The following ZNF219 variants were observed in gnomAD, a reference collection of about 807,000 sequenced individuals.
The protein encoded by ZNF219 is zinc finger protein 219.
In ZNF219, 17 loss-of-function variants were observed where a neutral mutation model predicts 54.4. The observed-to-expected ratio is 0.31, with a 90% CI of 0.21 to 0.47. The LOEUF is 0.47. Among genes scored for constraint, ZNF219 ranks in the 20% least tolerant of loss-of-function variants. The probability of loss-of-function intolerance (pLI) is 1.00; values close to 1 mark genes in which losing one functional copy is unlikely to be tolerated. For synonymous variants in ZNF219, 518 were observed against 476.4 expected, an observed-to-expected ratio of 1.09 and a Z score of -1.14; for missense variants, 1,014 against 1,062.3, an observed-to-expected ratio of 0.95 and a Z score of 0.63.
chr14:21,091,371 C>T (rs1226739430), intron 4 of ZNF219, 40 bp downstream of exon 4: 7 of 1,573,814 alleles, frequency 4.4e-6, no homozygotes, highest in South Asian at 2.3e-5. Flanking sequence ...TTTCTGCCCG[C>T]CCCCAGTCCC....
intron 1 of ZNF219, 183 bp from the exon 2 acceptor site, chr14:21,093,857 C>G (rs978258200): frequency 1.7e-6 from 1 of 589,052 alleles, no homozygotes; most frequent in African/African-American, 1.9e-5. Flanking sequence ...GCCAAGCCTA[C>G]AAGCCTCCCA....
At position 21,092,530 on chromosome 14, in the gene ZNF219, G is replaced by A. The variant is rs1174760400; in HGVS notation, c.767C>T (p.Ala256Val). ...PEPEPEPERE[A>V]TPTPAPAAPE... ...AGCGGCAGGAGCTGGGGTCGGGGTT[G>A]CCTCACGTTCGGGCTCCGGCTCCGG... Residue 256 changes from alanine to valine, a missense_variant, in exon 3 of 5, where the codon GCA becomes GTA. Transcript: ENST00000360947. The A allele has an allele frequency of 6.5e-7, 1 of 1,549,598 alleles. No homozygotes were observed. Among genetic ancestry groups the A allele is most frequent in the Non-Finnish European group, 8.7e-7 (1 of 1,146,624 alleles).
Position 21,090,906 on chromosome 14 carries a change from C to T in ZNF219, c.1799G>A (p.Gly600Asp). The T allele has an allele frequency of 6.5e-7, 1 of 1,550,302 alleles. No individual in the cohort carries two copies. The highest frequency in any genetic ancestry group is 1.4e-5 in the African/African-American group (1 of 73,614). ...CTTCCGACGGGACCCCGGCCCAGCACCGCTAGAAGGAGGCCGGGGACTTGA... is the reference window on the plus strand; with the variant it reads ...CTTCCGACGGGACCCCGGCCCAGCATCGCTAGAAGGAGGCCGGGGACTTGA... The part of the protein sequence containing the change: ...GASSPRPPSS[G>D]AGPGSRRKPA... Residue 600 changes from glycine to aspartate, a missense_variant, in exon 5 of 5, where the codon GGT becomes GAT. By Grantham distance (94) the Gly-to-Asp change is moderately conservative. Around this residue, in one of 5 missense-constraint regions of ZNF219, gnomAD observed 281 missense variants for 271.2 expected, o/e 1.04. Coordinates refer to ENST00000360947, the MANE Select transcript of ZNF219 (RefSeq NM_016423.3). The surrounding 1 kb of genome is among the most constrained non-coding windows in gnomAD (Gnocchi z 4.4).
At chr14:21,096,565 C>T (rs1889286576) in intron 1 of ZNF219, among the ~76,000 whole-genome samples, 1 of 152,172 alleles carries the variant, frequency 6.6e-6, no homozygotes, top group African/African-American at 2.4e-5. Context: ...CCTTAAACAC[C>T]ATCCTCGAGA....
upstream of ZNF219, chr14:21,103,217 G>C (rs761781290): frequency 1.9e-6 from 3 of 1,551,504 alleles, no homozygotes; most frequent in African/African-American, 2.7e-5. Context: ...TGAGAGGGTG[G>C]GACAGCGGGA....
In ZNF219 at chr14:21,091,912, T is replaced by G. The variant is rs1361400178; in HGVS notation, c.1385A>C (p.His462Pro). The G allele has an allele frequency of 6.3e-7, 1 of 1,593,048 alleles. No individual in the cohort carries two copies. Among genetic ancestry groups the G allele is most frequent in the East Asian group, 2.3e-5 (1 of 44,392 alleles). Residue 462 changes from histidine to proline, a missense_variant, in exon 3 of 5, where the codon CAC becomes CCC. Physicochemically the swap from His to Pro is moderately conservative, Grantham distance 77. Around this residue, in one of 5 missense-constraint regions of ZNF219, gnomAD observed 272 missense variants for 248.9 expected, o/e 1.09. Transcript: ENST00000360947. ...CTGGGCCCCAGCAGCAGAGGCAGAG[T>G]GCCCCGGTCCCTCACCCGGGCGCGG... ...LHPRPGEGPGHSASAAGAQAR... is the reference protein window; with the variant it reads ...LHPRPGEGPGPSASAAGAQAR...
chr14:21,093,973 C>A, intron 1 of ZNF219: 1 of 385,058 alleles, frequency 2.6e-6, no homozygotes, highest in South Asian at 2.2e-5. Context: ...TCACAATATG[C>A]CCCTCTCCCA....
chr14:21,098,274 G>T (rs1249395160), intron 1 of ZNF219, 38 bp downstream of exon 1: 2 of 148,038 alleles, frequency 1.4e-5, no homozygotes, highest in African/African-American at 4.9e-5. Context: ...CCGGGTGGCG[G>T]ACGGGGGGGC....
chr14:21,099,867 G>C (rs1263276821), upstream of ZNF219, among the ~76,000 whole-genome samples: 1 of 152,152 alleles, frequency 6.6e-6, no homozygotes, highest in African/African-American at 2.4e-5. Context: ...GGGCCCAGCT[G>C]GTTCTGCTTC....
In ZNF219 at chr14:21,091,888, T is replaced by C. The variant is rs1484216742; in HGVS notation, c.1409A>G (p.Gln470Arg). 6.3e-7 allele frequency: 1 copy of C among 1,575,728 alleles called. No individual in the cohort carries two copies. Among genetic ancestry groups the C allele is most frequent in the Admixed American group, 1.8e-5 (1 of 54,486 alleles). ...PGHSASAAGA[Q>R]ARSTATQEEN... ...ACCCTGCGTGGCGGTCGATCTTGCC[T>C]GGGCCCCAGCAGCAGAGGCAGAGTG... The change falls in exon 3 of 5, where the codon CAG becomes CGG. Residue 470 changes from glutamine (Q) to arginine (R), a missense_variant. Physicochemically the swap from Gln to Arg is conservative, Grantham distance 43 (BLOSUM62 1). Around this residue, in one of 5 missense-constraint regions of ZNF219, gnomAD observed 272 missense variants for 248.9 expected, o/e 1.09. Transcript: ENST00000360947.
chr14:21,097,015 T>C (rs1889309171), intron 1 of ZNF219, among the ~76,000 whole-genome samples: 1 of 152,316 alleles, frequency 6.6e-6, no homozygotes, highest in South Asian at 2.1e-4. Flanking sequence ...CTAACAATTA[T>C]GATTACCACT....
chr14:21,102,468 G>A (rs553887169), upstream of ZNF219: 15 of 1,551,670 alleles, frequency 9.7e-6, no homozygotes, highest in Admixed American at 3.9e-5. Context: ...GGTGGTGGTC[G>A]AGGTGATGAA....
upstream of ZNF219, chr14:21,103,419 G>A: frequency 8.2e-7 from 1 of 1,214,938 alleles, no homozygotes; most frequent in Non-Finnish European, 1.1e-6. Flanking sequence ...ACCTGGACGA[G>A]AATATATCCT....
At position 21,093,840 on chromosome 14, in the gene ZNF219, T is replaced by C. The variant is rs114695976; in HGVS notation, c.-83-166A>G. 575 of 621,198 alleles carry C rather than the reference T, an allele frequency of 9.3e-4. 1 individual carries two copies. In the African/African-American group the frequency reaches 9.7e-3, roughly 10 times the overall value. 38.5% of individuals were successfully genotyped at this position (621,198 alleles called of 1,614,324 possible). A position where few individuals can be genotyped will look rare whatever the true frequency, so the allele number is the denominator to read the frequency against. ...CTGCTATACTCAAAAACTGTACCTCTTGACTTGCCAAGCCTACAAGCCTCC... is the reference window on the plus strand; with the variant it reads ...CTGCTATACTCAAAAACTGTACCTCCTGACTTGCCAAGCCTACAAGCCTCC... On this transcript the variant is annotated intron_variant, in intron 1 of 4. Transcript: ENST00000360947.
rs777573435 is a variant in ZNF219 at position 21,092,250 on chromosome 14, G to A, written c.1047C>T (p.Leu349=). Residue 349 remains leucine, a synonymous_variant, in exon 3 of 5, where the codon CTC becomes CTT. Coordinates refer to ENST00000360947, the MANE Select transcript of ZNF219 (RefSeq NM_016423.3). The part of the protein sequence containing the change: ...GPARAPQPPD[L]GLLAYEPLGP... ...CCAACGGCTCATAGGCCAGCAGGCC[G>A]AGGTCAGGAGGCTGGGGGGCGCGGG... 6.1e-5 allele frequency: 89 copies of A among 1,462,770 alleles called. No homozygotes were observed. The South Asian group carries it at 6.5e-4, about 11-fold the overall frequency. The allele number at this position is 1,462,770 out of a possible 1,614,324, so 90.6% of individuals were successfully genotyped here. A position where few individuals can be genotyped will look rare whatever the true frequency, so the allele number is the denominator to read the frequency against.
chr14:21,102,540 GGGA>G, upstream of ZNF219: 1 of 1,551,734 alleles, frequency 6.4e-7, no homozygotes, highest in Non-Finnish European at 8.7e-7. Flanking sequence ...AGGAGAAGGT[GGGA>G]GGATAAGGAG....
At chr14:21,100,420 C>G (rs895647437), upstream of ZNF219, among the ~76,000 whole-genome samples, 1 of 151,974 alleles carries the variant, frequency 6.6e-6, no homozygotes, top group African/African-American at 2.4e-5. Context: ...GATGGAGAAG[C>G]AGCAGAGCTA....
chr14:21,092,230 G>T lies in ZNF219; in HGVS notation c.1067C>A (p.Pro356Gln). The T allele has an allele frequency of 1.4e-6, 2 of 1,448,514 alleles. No homozygotes were observed. The highest frequency in any genetic ancestry group is 5.0e-5 in the East Asian group (2 of 39,814). The allele number at this position is 1,448,514 out of a possible 1,614,324, so 89.7% of individuals were successfully genotyped here. Residue 356 changes from proline (P) to glutamine (Q), a missense_variant, in exon 3 of 5, where the codon CCG becomes CAG. Transcript: ENST00000360947. Reference protein sequence around the residue: ...PPDLGLLAYEPLGPALLLAPA... With the variant: ...PPDLGLLAYEQLGPALLLAPA... ...GGCCAAGAGGAGCGCTGGGCCCAAC[G>T]GCTCATAGGCCAGCAGGCCGAGGTC... is the stretch of plus-strand genomic sequence containing the variant.
upstream of ZNF219, chr14:21,101,304 C>T: frequency 6.5e-7 from 1 of 1,542,532 alleles, no homozygotes; most frequent in East Asian, 2.4e-5. Flanking sequence ...CGCATTTTTC[C>T]CAGCCTAGGA....
Sources: allele counts gnomAD v4.1 joint callset (sites outside exome capture counted in the v4.1 genomes callset), GRCh38; gene constraint gnomAD v4.1.1; regional missense constraint gnomAD v4.1.1; non-coding constraint Gnocchi (gnomAD v3.1); transcripts MANE v1.5; gene names NCBI Gene and HGNC (gene_info 2026-07-23, HGNC 2026-07-21).